NTAQ1: variants seen among roughly 807,000 people sequenced by gnomAD.
NTAQ1 encodes the protein N-terminal glutamine amidase 1.
NTAQ1 carries 21 observed loss-of-function variants against 28.2 expected under a neutral mutation model. The ratio of observed to expected loss-of-function variants is 0.74; its 90% CI spans 0.53 to 1.07. NTAQ1 has a LOEUF of 1.07. NTAQ1 is among the 50% of genes least tolerant of loss of function. The probability of loss-of-function intolerance (pLI) is 0.00; values close to 1 mark genes in which losing one functional copy is unlikely to be tolerated. For synonymous variants in NTAQ1, 105 were observed against 90.0 expected, an observed-to-expected ratio of 1.17 and a Z score of -0.94; for missense variants, 264 against 256.6, an observed-to-expected ratio of 1.03 and a Z score of -0.20.
chr8:123,467,579 G>T (rs570412291), exon 7 of NTAQ1, among the ~76,000 whole-genome samples: 1 of 152,116 alleles, frequency 6.6e-6, no homozygotes, highest in East Asian at 1.9e-4. Context: ...TGTAGCTGAG[G>T]GTCTGATTTC....
intron 1 of NTAQ1, among the ~76,000 whole-genome samples, chr8:123,418,462 A>G (rs866749868): frequency 7.3e-4 from 110 of 151,654 alleles, no homozygotes; most frequent in Non-Finnish European, 6.0e-4. Context: ...AAAAAAAAAA[A>G]ATAAAAAGCC....
In NTAQ1 at chr8:123,462,008, A is replaced by T. The variant is rs1020883444; in HGVS notation, c.373-5071A>T. Among the ~76,000 whole-genome samples, 3 of 152,238 alleles carry T rather than the reference A, an allele frequency of 2.0e-5. No individual in the cohort carries two copies. In the East Asian group the frequency reaches 5.8e-4, roughly 29 times the overall value. On this transcript the variant is annotated intron_variant, in intron 6 of 6. Transcript: ENST00000650311. The stretch of plus-strand genomic sequence containing the variant: ...GTGAGACAGGGAAATCTAGTGAAAA[A>T]ATATTTTTCAGTGCATGTATCCCTA...
downstream of NTAQ1, among the ~76,000 whole-genome samples, chr8:123,446,918 T>TGGG (rs1322823389): frequency 6.6e-6 from 1 of 152,146 alleles, no homozygotes; most frequent in Non-Finnish European, 1.5e-5. Context: ...AACAACAACA[T>TGGG]GGGGGAAGCC....
chr8:123,416,955 T>C (rs988459888), intron 1 of NTAQ1, 23 bp downstream of exon 1: 7 of 1,448,636 alleles, frequency 4.8e-6, no homozygotes, highest in Middle Eastern at 2.4e-4. Flanking sequence ...GGGCGCAGCC[T>C]CTGGGTCTCC....
intron 2 of NTAQ1, among the ~76,000 whole-genome samples, chr8:123,428,256 C>T (rs539051102): frequency 5.9e-5 from 9 of 152,142 alleles, no homozygotes; most frequent in East Asian, 1.9e-4. Context: ...AGTGCAGTGG[C>T]GTGATTCTTG....
chr8:123,435,753 G>C (rs1194476272), intron 3 of NTAQ1, among the ~76,000 whole-genome samples: 1 of 152,058 alleles, frequency 6.6e-6, no homozygotes, highest in African/African-American at 2.4e-5. Context: ...TGTAGTCCCA[G>C]CTACTCAGGA....
downstream of NTAQ1, among the ~76,000 whole-genome samples, chr8:123,474,548 T>A (rs886145449): frequency 2.6e-5 from 4 of 152,310 alleles, no homozygotes; most frequent in Non-Finnish European, 5.9e-5. Flanking sequence ...CTTCCAGGTT[T>A]CTCCACTAAA....
At chr8:123,433,397 A>G (rs953182349) in intron 3 of NTAQ1, among the ~76,000 whole-genome samples, 4 of 151,998 alleles carry the variant, frequency 2.6e-5, no homozygotes, top group African/African-American at 7.3e-5. Flanking sequence ...CTCTTTGGCC[A>G]TTGGGCTCCT....
At chr8:123,429,819 G>A (rs548718013) in intron 2 of NTAQ1, among the ~76,000 whole-genome samples, 164 bp from the exon 3 acceptor site, 127 of 142,482 alleles carry the variant, frequency 8.9e-4, no homozygotes, top group Middle Eastern at 8.9e-3. Context: ...GGTGGAGGTT[G>A]CAGTAAGCCC....
At chr8:123,473,133 G>GTATTATTA (rs991550776), downstream of NTAQ1, among the ~76,000 whole-genome samples, 1 of 152,210 alleles carries the variant, frequency 6.6e-6, no homozygotes, top group African/African-American at 2.4e-5. Context: ...GTGGTTGCAT[G>GTATTATTA]TATTATTAAA....
intron 3 of NTAQ1, among the ~76,000 whole-genome samples, chr8:123,433,925 A>ATT (rs35940452): frequency 0.35 from 52,535 of 148,708 alleles, 9,284 homozygotes; most frequent in East Asian, 0.55. Flanking sequence ...TTTTTTTGTG[A>ATT]TTTTTTTTTT....
At chr8:123,468,784 C>T (rs1460878517) in exon 7 of NTAQ1, among the ~76,000 whole-genome samples, 1 of 152,122 alleles carries the variant, frequency 6.6e-6, no homozygotes, top group East Asian at 1.9e-4. Context: ...TGAGGAACCT[C>T]CATTCTGTTT....
At chr8:123,420,031 T>C (rs998960279) in intron 1 of NTAQ1, among the ~76,000 whole-genome samples, 7 of 152,050 alleles carry the variant, frequency 4.6e-5, no homozygotes, top group African/African-American at 1.4e-4. Flanking sequence ...GTGAGCATAC[T>C]ACCAGATAGA....
chr8:123,441,042 G>T (rs1815035983), intron 5 of NTAQ1, among the ~76,000 whole-genome samples: 1 of 152,050 alleles, frequency 6.6e-6, no homozygotes, highest in African/African-American at 2.4e-5. Context: ...CAAAGACTCG[G>T]GGGTCCCCTC....
At position 123,437,198 on chromosome 8, in the gene NTAQ1, A is replaced by G; in HGVS notation, c.384-12A>G. ...ATCTCCCTAATGTGAGTGTATATTG[A>G]TTTTTCTGCAGGAAATTTAGAGTGA... On this transcript the variant is annotated splice_polypyrimidine_tract_variant and intron_variant, in intron 4 of 5. Transcript: ENST00000287387. The G allele has an allele frequency of 6.2e-7, 1 of 1,613,546 alleles. No homozygotes were observed. The highest frequency in any genetic ancestry group is 8.5e-7 in the Non-Finnish European group (1 of 1,179,796).
intron 6 of NTAQ1, among the ~76,000 whole-genome samples, chr8:123,466,024 A>G (rs1815953077): frequency 2.0e-5 from 3 of 152,324 alleles, no homozygotes; most frequent in African/African-American, 7.2e-5. Context: ...CCTGTCCAAG[A>G]GGACCCTCTG....
intron 3 of NTAQ1, among the ~76,000 whole-genome samples, chr8:123,432,390 A>G (rs1389123447): frequency 1.3e-5 from 2 of 152,140 alleles, no homozygotes; most frequent in Non-Finnish European, 2.9e-5. Context: ...CTGTAATCCC[A>G]GCACTTTGGG....
In NTAQ1 at chr8:123,441,439, G is replaced by A. The variant is rs200745819; in HGVS notation, c.*24G>A. On this transcript the variant is annotated 3_prime_UTR_variant, in exon 6 of 6. Transcript: ENST00000287387. Reference sequence around the variant, plus strand: ...GAACTTGGTCTCAAGATGTGGAACTGTGGAGAAATTCTAGGACATGAACAA... The same window carrying A: ...GAACTTGGTCTCAAGATGTGGAACTATGGAGAAATTCTAGGACATGAACAA... 4 of 1,567,154 alleles carry A rather than the reference G, an allele frequency of 2.6e-6. No individual in the cohort carries two copies. Among genetic ancestry groups the A allele is most frequent in the African/African-American group, 1.4e-5 (1 of 73,244 alleles).
chr8:123,424,303 CACGATCTCA>C (rs1813907174), intron 1 of NTAQ1, among the ~76,000 whole-genome samples: 1 of 151,152 alleles, frequency 6.6e-6, no homozygotes, highest in Non-Finnish European at 1.5e-5. Context: ...AGTGCAGTAG[CACGATCTCA>C]GCTTGCTGCA....
Sources: gnomAD v4.1 joint callset for allele counts (sites outside exome capture counted in the v4.1 genomes callset) on GRCh38, gnomAD v4.1.1 for gene constraint, MANE v1.5 for transcripts, NCBI Gene and HGNC (gene_info 2026-07-23, HGNC 2026-07-21) for gene names.